The following GPC5 variants were observed in gnomAD, a reference collection of about 807,000 sequenced individuals.
The protein encoded by GPC5 is glypican 5, also known as glypican-5.
In GPC5, 47 loss-of-function variants were observed where a neutral mutation model predicts 53.9. The observed-to-expected ratio is 0.87, with a 90% CI of 0.69 to 1.11. The LOEUF is 1.11. GPC5 is among the 50% of genes most tolerant of loss of function. The pLI is 0.00. For synonymous variants in GPC5, 286 were observed against 263.3 expected (o/e 1.09, Z -0.84); for missense variants, 748 against 713.1 (o/e 1.05, Z -0.56).
At chr13:92,367,338 C>T (rs980063251) in intron 7 of GPC5, among the ~76,000 whole-genome samples, 1 of 152,022 alleles carries the variant, frequency 6.6e-6, no homozygotes, top group African/African-American at 2.4e-5. Flanking sequence ...TGATGCTTTC[C>T]TTTAGAGTGA....
At chr13:92,708,857 C>A (rs1266978691) in intron 7 of GPC5, among the ~76,000 whole-genome samples, 20 of 48,140 alleles carry the variant, frequency 4.2e-4, no homozygotes, top group Non-Finnish European at 7.4e-4. Flanking sequence ...TGGAAACCGC[C>A]TTTTTTTTTT....
intron 5 of GPC5, among the ~76,000 whole-genome samples, chr13:91,794,605 C>G (rs1478149036): frequency 6.6e-6 from 1 of 152,164 alleles, no homozygotes; most frequent in East Asian, 1.9e-4. Flanking sequence ...GGAAAATATC[C>G]TATTCTATCA....
chr13:91,513,809 T>C (rs2139341614), intron 2 of GPC5, among the ~76,000 whole-genome samples: 1 of 152,298 alleles, frequency 6.6e-6, no homozygotes, highest in South Asian at 2.1e-4. Context: ...TTTATGACCA[T>C]ACCCATCTCC....
chr13:92,037,117 C>T (rs899416704), intron 6 of GPC5, among the ~76,000 whole-genome samples: 1 of 152,088 alleles, frequency 6.6e-6, no homozygotes, highest in Non-Finnish European at 1.5e-5. Context: ...CTTCTAAGGA[C>T]TTTTATATTC....
chr13:91,542,721 T>C (rs1192568628), intron 2 of GPC5, among the ~76,000 whole-genome samples: 2 of 152,140 alleles, frequency 1.3e-5, no homozygotes, highest in African/African-American at 4.8e-5. Context: ...GTTCCTCTTA[T>C]TGCCCAGGCT....
intron 1 of GPC5, among the ~76,000 whole-genome samples, chr13:91,409,031 A>G (rs1396538132): frequency 6.6e-6 from 1 of 152,204 alleles, no homozygotes; most frequent in Non-Finnish European, 1.5e-5. Flanking sequence ...GTCCTTGTTC[A>G]TTACATATAT....
chr13:92,315,560 G>C (rs985829703), intron 7 of GPC5, among the ~76,000 whole-genome samples: 2 of 152,086 alleles, frequency 1.3e-5, no homozygotes, highest in Admixed American at 1.3e-4. Context: ...CAAGTGTCTT[G>C]GTCATGGGTC....
At position 91,425,846 on chromosome 13, in the gene GPC5, T is replaced by C. The variant is rs9583925; in HGVS notation, c.164-22915T>C. ...GAAGACAGGAAGATGTGGGAAAGTT[T>C]GGAGCTTCCTGGAGACTTGTTGAAT... On this transcript the variant is annotated intron_variant, in intron 1 of 7. Transcript: ENST00000377067. Among the ~76,000 whole-genome samples the C allele has an allele frequency of 8.3e-3, 1,256 of 152,214 alleles. 23 individuals carry two copies. The highest frequency in any genetic ancestry group is 0.079 in the South Asian group (382 of 4,820).
intron 2 of GPC5, among the ~76,000 whole-genome samples, chr13:91,518,004 G>A (rs369362587): frequency 2.2e-4 from 34 of 152,260 alleles, no homozygotes; most frequent in South Asian, 6.2e-4. Context: ...AGATTTCGGC[G>A]AAGACACAGC....
chr13:91,847,684 C>T (rs9515982), intron 5 of GPC5, among the ~76,000 whole-genome samples: 75,381 of 151,988 alleles, frequency 0.5, 19,088 homozygotes, highest in East Asian at 0.71. Context: ...CAGGAAGAGA[C>T]ACCAGATTAT....
At chr13:91,897,335 CTGTGTGTGTGTGTG>C (rs34783532) in intron 5 of GPC5, among the ~76,000 whole-genome samples, 1 of 139,432 alleles carries the variant, frequency 7.2e-6, no homozygotes, top group African/African-American at 2.6e-5. Context: ...ATAGAGAATG[CTGTGTGTGTGTGTG>C]TGTGTGTGTG....
At chr13:92,016,940 G>A (rs566199316) in intron 6 of GPC5, among the ~76,000 whole-genome samples, 1 of 152,134 alleles carries the variant, frequency 6.6e-6, no homozygotes, top group South Asian at 2.1e-4. Flanking sequence ...GGAGTACAGT[G>A]GCCTCATTAC....
At chr13:91,400,963 CT>C (rs1876903696) in intron 1 of GPC5, among the ~76,000 whole-genome samples, 1 of 152,166 alleles carries the variant, frequency 6.6e-6, no homozygotes, top group African/African-American at 2.4e-5. Flanking sequence ...AGGAATCTTT[CT>C]TTTCTAAGTC....
At chr13:92,679,230 G>A (rs1364211838) in intron 7 of GPC5, among the ~76,000 whole-genome samples, 1 of 152,066 alleles carries the variant, frequency 6.6e-6, no homozygotes, top group Non-Finnish European at 1.5e-5. Flanking sequence ...ATACTTTAAC[G>A]TTTGGCCATT....
chr13:92,347,920 T>TA lies in GPC5; in HGVS notation c.1561+202932dup, dbSNP rs1246452558. 2.6e-3 allele frequency among the ~76,000 whole-genome samples: 49 copies of TA among 18,814 alleles called. 3 individuals carry two copies. In the African/African-American group the frequency reaches 0.041, roughly 16 times the overall value. 12.3% of individuals were successfully genotyped at this position (18,814 alleles called of 152,430 possible). On this transcript the variant is annotated intron_variant, in intron 7 of 7. Transcript: ENST00000377067. Reference sequence around the variant, plus strand: ...ATATATAATATATATATAATATATATATATTATATATACATCTTATATGTA... The same window carrying TA: ...ATATATAATATATATATAATATATATAATATTATATATACATCTTATATGTA...
At chr13:92,754,021 T>A (rs1327114001) in intron 7 of GPC5, among the ~76,000 whole-genome samples, 1 of 151,958 alleles carries the variant, frequency 6.6e-6, no homozygotes, top group Non-Finnish European at 1.5e-5. Context: ...CCAAGACACA[T>A]AATTGTCAGA....
At chr13:92,270,580 A>G (rs7995704) in intron 7 of GPC5, among the ~76,000 whole-genome samples, 65,660 of 152,042 alleles carry the variant, frequency 0.43, 15,426 homozygotes, top group African/African-American at 0.63. Flanking sequence ...CCCAGTCTCA[A>G]GTATTTATAC....
chr13:91,456,501 C>T (rs929926479), intron 2 of GPC5, among the ~76,000 whole-genome samples: 1 of 151,390 alleles, frequency 6.6e-6, no homozygotes, highest in Non-Finnish European at 1.5e-5. Flanking sequence ...TTTTAAGATC[C>T]AAAATATATT....
chr13:92,726,230 T>C (rs763338269), intron 7 of GPC5, among the ~76,000 whole-genome samples: 2 of 151,574 alleles, frequency 1.3e-5, no homozygotes, highest in Non-Finnish European at 3.0e-5. Context: ...CCCATCATGA[T>C]CTCCTGAAAC....
Sources: allele counts gnomAD v4.1 joint callset (sites outside exome capture counted in the v4.1 genomes callset), GRCh38; gene constraint gnomAD v4.1.1; transcripts MANE v1.5; gene names NCBI Gene and HGNC (gene_info 2026-07-23, HGNC 2026-07-21).